Variants in SI observed in about 807,000 individuals in gnomAD.
The protein encoded by SI is sucrase-isomaltase, intestinal.
In SI, 235 loss-of-function variants were observed where a neutral mutation model predicts 253.3. That is an observed-to-expected ratio of 0.93 (90% CI 0.83 to 1.03). The LOEUF (loss-of-function observed/expected upper bound fraction) is 1.03, where lower values mean the gene tolerates loss of function less well. SI is among the 50% of genes least tolerant of loss of function. The probability of loss-of-function intolerance (pLI) is 0.00; values close to 1 mark genes in which losing one functional copy is unlikely to be tolerated. For missense variants in SI, 2,442 were observed against 2,211.1 expected (o/e 1.10, Z -2.09); for synonymous variants, 819 against 712.0 (o/e 1.15, Z -2.39).
chr3:165,057,465 A>T (rs1450881787), intron 12 of SI, among the ~76,000 whole-genome samples: 1 of 152,046 alleles, frequency 6.6e-6, no homozygotes, highest in East Asian at 1.9e-4. Context: ...GAAAGATATC[A>T]ATATTGAAGT....
chr3:164,982,722 G>A (rs1159668694), intron 46 of SI, among the ~76,000 whole-genome samples: 1 of 152,048 alleles, frequency 6.6e-6, no homozygotes, highest in African/African-American at 2.4e-5. Context: ...CAATAGTGCA[G>A]TCATGGCTCA....
intron 15 of SI, 41 bp downstream of exon 15, chr3:165,049,086 C>T: frequency 9.4e-7 from 1 of 1,063,788 alleles, no homozygotes; most frequent in East Asian, 2.4e-5. Context: ...CATTTTTAAG[C>T]AATAAATATG....
At chr3:165,058,496 T>C (rs1476680075) in intron 12 of SI, among the ~76,000 whole-genome samples, 1 of 151,496 alleles carries the variant, frequency 6.6e-6, no homozygotes, top group Non-Finnish European at 1.5e-5. Context: ...AAATGAAAAG[T>C]TTTTTGAAAA....
At chr3:165,051,618 G>A (rs901209566) in intron 13 of SI, among the ~76,000 whole-genome samples, 1 of 152,016 alleles carries the variant, frequency 6.6e-6, no homozygotes, top group East Asian at 1.9e-4. Context: ...TTTGGGAATA[G>A]TGAGCTGCAT....
intron 30 of SI, 38 bp downstream of exon 30, chr3:165,017,723 A>G (rs1026455002): frequency 5.0e-6 from 8 of 1,598,388 alleles, no homozygotes; most frequent in Non-Finnish European, 6.8e-6. Flanking sequence ...TATGCTATAA[A>G]AATTTTTAAT....
chr3:165,051,537 T>C (rs935106111), intron 13 of SI, among the ~76,000 whole-genome samples: 3 of 152,062 alleles, frequency 2.0e-5, no homozygotes, highest in African/African-American at 7.2e-5. Flanking sequence ...TAAGTGTAGG[T>C]AAACTACATT....
chr3:165,072,419 C>T (rs1364734665), intron 3 of SI, among the ~76,000 whole-genome samples: 1 of 151,264 alleles, frequency 6.6e-6, no homozygotes. Context: ...TAAATAACAA[C>T]AACAACAACA....
intron 36 of SI, 28 bp downstream of exon 36, chr3:165,007,883 T>C: frequency 1.8e-6 from 2 of 1,124,310 alleles, no homozygotes; most frequent in Non-Finnish European, 2.7e-6. Flanking sequence ...AACATGATAA[T>C]ATCAAAGGCA....
chr3:165,030,899 G>GAA, intron 24 of SI, 32 bp from the exon 25 acceptor site: 56 of 1,126,440 alleles, frequency 5.0e-5, no homozygotes, highest in East Asian at 1.0e-4. Flanking sequence ...AAGAAAAAAA[G>GAA]AAAAAAAAAA....
In SI at chr3:165,043,130, G is replaced by T. The variant is rs769364000; in HGVS notation, c.1933C>A (p.Leu645Ile). ...CCAAGTTGCATCCATCTTCTGCAAA[G>T]TTCTTCTGTGGTTTCAGCCACAAAT... ...CGFVAETTEELCRRWMQLGAF... is the reference protein window; with the variant it reads ...CGFVAETTEEICRRWMQLGAF... The change falls in exon 17 of 48, where the codon CTT becomes ATT. Residue 645 changes from leucine to isoleucine, a missense_variant. Transcript: ENST00000264382. 2 of 1,612,618 alleles carry T rather than the reference G, an allele frequency of 1.2e-6. No individual in the cohort carries two copies. Among genetic ancestry groups the T allele is most frequent in the Non-Finnish European group, 1.7e-6 (2 of 1,179,150 alleles).
intron 28 of SI, 28 bp downstream of exon 28, chr3:165,019,573 TC>T (rs777794773): frequency 3.3e-5 from 53 of 1,606,228 alleles, no homozygotes; most frequent in Non-Finnish European, 4.3e-5. Context: ...CTTAGTTGCC[TC>T]GTGGAGTGGT....
At chr3:165,024,860 T>A (rs1201088422) in intron 25 of SI, among the ~76,000 whole-genome samples, 1 of 151,278 alleles carries the variant, frequency 6.6e-6, no homozygotes, top group Non-Finnish European at 1.5e-5. Flanking sequence ...GAACTCACTC[T>A]AACTAGGCTT....
the SI span, among the ~76,000 whole-genome samples, chr3:165,087,140 A>T: frequency 1.0e-5 from 1 of 98,734 alleles, no homozygotes; most frequent in African/African-American, 3.2e-5. Flanking sequence ...CAAATACACA[A>T]AACAAAACAA....
chr3:165,000,821 A>G (rs949271702), intron 37 of SI, among the ~76,000 whole-genome samples: 36 of 151,484 alleles, frequency 2.4e-4, no homozygotes, highest in Non-Finnish European at 1.2e-4. Context: ...GCTTTAAGCC[A>G]GAAGAGTTTG....
intron 9 of SI, among the ~76,000 whole-genome samples, chr3:165,061,628 G>A (rs985957326): frequency 1.4e-4 from 22 of 151,844 alleles, no homozygotes; most frequent in African/African-American, 4.6e-4. Context: ...TTTAAAATAG[G>A]CATAATCTTA....
intron 10 of SI, 51 bp from the exon 11 acceptor site, chr3:165,059,350 A>G (rs1371764924): frequency 6.5e-7 from 1 of 1,546,106 alleles, no homozygotes; most frequent in Non-Finnish European, 8.9e-7. Context: ...AGAGCTCTCT[A>G]ATCAAGTCAA....
chr3:165,069,087 T>C lies in SI; in HGVS notation c.364A>G (p.Thr122Ala), dbSNP rs376103595. The change falls in exon 4 of 48, where the codon ACA becomes GCA. Residue 122 changes from threonine to alanine, a missense_variant. Thr to Ala is a moderately conservative substitution (Grantham distance 58). Coordinates refer to ENST00000264382, the MANE Select transcript of SI (RefSeq NM_001041.4). ...HGYNVQDMTT[T>A]SIGVEAKLNR... ...ACAGAGGACTTCTTACCAATACTTG[T>C]TGTTGTCATGTCTTGAACGTTATAA... 6.1e-5 allele frequency: 98 copies of C among 1,603,492 alleles called. No homozygotes were observed. The South Asian group carries it at 7.3e-4, about 12-fold the overall frequency.
In SI at chr3:165,049,205, A is replaced by C. The variant is rs754426252; in HGVS notation, c.1637T>G (p.Met546Arg). 1 of 1,611,490 alleles carries C rather than the reference A, an allele frequency of 6.2e-7. No homozygotes were observed. The highest frequency in any genetic ancestry group is 1.1e-5 in the South Asian group (1 of 90,862). Residue 546 changes from methionine to arginine, a missense_variant, in exon 15 of 48, where the codon ATG becomes AGG. Met to Arg is a moderately conservative substitution (Grantham distance 91). Transcript: ENST00000264382. ...TTTACCCCAGTTCTGCACAGCATCC[A>C]TGCAAATTGTTTTGGAATACATGAG... is the stretch of plus-strand genomic sequence containing the variant. Reference protein sequence around the residue: ...DKLMYSKTICMDAVQNWGKQY... With the variant: ...DKLMYSKTICRDAVQNWGKQY...
chr3:165,075,580 G>A (rs1483175759), intron 2 of SI, among the ~76,000 whole-genome samples: 1 of 152,018 alleles, frequency 6.6e-6, no homozygotes, highest in Non-Finnish European at 1.5e-5. Context: ...TCCCACTAAT[G>A]AGATGATGCT....
Sources: allele counts gnomAD v4.1 joint callset (sites outside exome capture counted in the v4.1 genomes callset), GRCh38; gene constraint gnomAD v4.1.1; transcripts MANE v1.5; gene names NCBI Gene and HGNC (gene_info 2026-07-23, HGNC 2026-07-21).